NR3C1: variants seen among roughly 807,000 people sequenced by gnomAD.
NR3C1 encodes nuclear receptor subfamily 3 group C member 1.
Under a neutral mutation model 74.0 loss-of-function variants are expected in NR3C1, and 14 were observed. The ratio of observed to expected loss-of-function variants is 0.19; its 90% confidence interval spans 0.12 to 0.30. NR3C1 has a LOEUF of 0.30. Ranked by LOEUF, NR3C1 falls within the 10% of genes least tolerant of loss-of-function variation. The pLI is 1.00. For synonymous variants in NR3C1, 308 were observed against 332.5 expected, an observed-to-expected ratio of 0.93 and a Z score of 0.80; for missense variants, 695 against 909.8, an observed-to-expected ratio of 0.76 and a Z score of 3.04.
chr5:143,303,246 TG>T (rs1276863884), intron 4 of NR3C1, among the ~76,000 whole-genome samples: 1 of 4,010 alleles, frequency 2.5e-4, no homozygotes, highest in African/African-American at 8.7e-4. Context: ...TGTATGTGGG[TG>T]GGGGGGCGGG....
At chr5:143,411,951 G>A (rs1841306473) in intron 1 of NR3C1, among the ~76,000 whole-genome samples, 1 of 152,052 alleles carries the variant, frequency 6.6e-6, no homozygotes, top group African/African-American at 2.4e-5. Context: ...CAGGGGAGCT[G>A]GGGAGCTATG....
rs1018050444 is a variant in NR3C1, at chr5:143,281,255, T to C, written c.*634A>G. On this transcript the variant is annotated 3_prime_UTR_variant, in exon 9 of 9. Transcript: ENST00000394464. ...GATTGATTAATGTTTAGAGTTTATTTGGGAAAGCTACGAACTAGCTGCCCA... is the reference window on the plus strand; with the variant it reads ...GATTGATTAATGTTTAGAGTTTATTCGGGAAAGCTACGAACTAGCTGCCCA... The C allele has an allele frequency of 5.2e-5, 8 of 152,636 alleles. No individual in the cohort carries two copies. Among genetic ancestry groups the C allele is most frequent in the African/African-American group, 1.7e-4 (7 of 41,390 alleles). 9.5% of individuals were successfully genotyped at this position (152,636 alleles called of 1,614,324 possible). A position where few individuals can be genotyped will look rare whatever the true frequency, so the allele number is the denominator to read the frequency against.
intron 7 of NR3C1, among the ~76,000 whole-genome samples, chr5:143,285,972 A>T (rs1393399185): frequency 7.3e-6 from 1 of 137,334 alleles, no homozygotes; most frequent in African/African-American, 3.0e-5. Flanking sequence ...AGACTGATTA[A>T]AAAAAAAAAA....
At chr5:143,307,604 T>C (rs772703732) in intron 4 of NR3C1, among the ~76,000 whole-genome samples, 1 of 152,190 alleles carries the variant, frequency 6.6e-6, no homozygotes, top group Non-Finnish European at 1.5e-5. Flanking sequence ...TACGACAGAA[T>C]TTTATTTGGG....
chr5:143,412,142 G>A (rs1257698375), intron 1 of NR3C1, among the ~76,000 whole-genome samples: 1 of 152,008 alleles, frequency 6.6e-6, no homozygotes, highest in Non-Finnish European at 1.5e-5. Context: ...AAGGAGTCAG[G>A]GAGGGTTGTA....
At chr5:143,294,341 G>A in intron 7 of NR3C1, 1 of 911,336 alleles carries the variant, frequency 1.1e-6, no homozygotes, top group Non-Finnish European at 1.3e-6. Flanking sequence ...ACATTGATAT[G>A]TAATTTTTAC....
intron 4 of NR3C1, among the ~76,000 whole-genome samples, chr5:143,309,600 A>G (rs757627194): frequency 8.5e-5 from 13 of 152,140 alleles, no homozygotes; most frequent in South Asian, 2.1e-4. Flanking sequence ...TTGAAAACCA[A>G]AACAAAACCC....
chr5:143,338,964 T>C (rs770085131), intron 2 of NR3C1, among the ~76,000 whole-genome samples: 4 of 152,212 alleles, frequency 2.6e-5, no homozygotes, highest in Non-Finnish European at 5.9e-5. Flanking sequence ...TTTTCTATGT[T>C]TAGATACATA....
At chr5:143,349,035 G>A (rs181543426) in intron 2 of NR3C1, among the ~76,000 whole-genome samples, 14 of 152,194 alleles carry the variant, frequency 9.2e-5, no homozygotes, top group African/African-American at 3.1e-4. Context: ...AGTGGAGGGA[G>A]GATCAGAGAG....
intron 1 of NR3C1, among the ~76,000 whole-genome samples, chr5:143,423,341 T>C (rs1282710183): frequency 6.6e-6 from 1 of 152,162 alleles, no homozygotes; most frequent in Non-Finnish European, 1.5e-5. Flanking sequence ...GACATACGAA[T>C]GGCCAAAAAT....
intron 2 of NR3C1, among the ~76,000 whole-genome samples, chr5:143,391,720 T>C (rs1405965770): frequency 6.6e-6 from 1 of 152,114 alleles, no homozygotes; most frequent in Non-Finnish European, 1.5e-5. Context: ...ATTGTGAAGA[T>C]ACTACGTTGG....
Position 143,433,456 on chromosome 5 carries a change from A to ATATATATATATAATTTATTTATTTAAAT in NR3C1, c.-14+1075_-14+1076insATTTAAATAAATAAATTATATATATATA, listed in dbSNP as rs1561822096. ...TATATAATTTATTTATTTAAATTAT[A>ATATATATATATAATTTATTTATTTAAAT]TATATATATATATATTTAATTTCAT... On this transcript the variant is annotated intron_variant, in intron 1 of 8. Coordinates refer to the NR3C1 transcript ENST00000343796. Among the ~76,000 whole-genome samples, 101 of 46,722 alleles carry ATATATATATATAATTTATTTATTTAAAT rather than the reference A, an allele frequency of 2.2e-3. 4 individuals are homozygous for ATATATATATATAATTTATTTATTTAAAT. The highest frequency in any genetic ancestry group is 0.02 in the South Asian group (30 of 1,498). The allele number at this position is 46,722 out of a possible 152,430, so 30.7% of individuals were successfully genotyped here. A position where few individuals can be genotyped will look rare whatever the true frequency, so the allele number is the denominator to read the frequency against.
intron 2 of NR3C1, among the ~76,000 whole-genome samples, chr5:143,368,386 A>G (rs1297975577): frequency 6.6e-6 from 1 of 152,212 alleles, no homozygotes; most frequent in Non-Finnish European, 1.5e-5. Context: ...TGGACTTCAT[A>G]AAAATTAAAA....
chr5:143,348,710 T>C (rs980350926), intron 2 of NR3C1, among the ~76,000 whole-genome samples: 2 of 152,204 alleles, frequency 1.3e-5, no homozygotes, highest in Non-Finnish European at 2.9e-5. Context: ...AGAAAGTACA[T>C]GTATCATAAG....
chr5:143,398,451 CT>C (rs1336260034), intron 2 of NR3C1, among the ~76,000 whole-genome samples: 2 of 146,664 alleles, frequency 1.4e-5, no homozygotes, highest in Non-Finnish European at 3.0e-5. Flanking sequence ...AGAAAAGCTT[CT>C]TAAGTACAGA....
intron 2 of NR3C1, among the ~76,000 whole-genome samples, chr5:143,385,269 G>T (rs891451106): frequency 6.6e-6 from 1 of 152,186 alleles, no homozygotes; most frequent in Non-Finnish European, 1.5e-5. Flanking sequence ...AGGAAGGGCT[G>T]CCATGAAGGT....
intron 2 of NR3C1, among the ~76,000 whole-genome samples, chr5:143,351,125 A>G (rs1297456346): frequency 6.6e-6 from 1 of 152,216 alleles, no homozygotes; most frequent in Non-Finnish European, 1.5e-5. Context: ...AATGACTCAT[A>G]TAACTGCCTT....
intron 2 of NR3C1, among the ~76,000 whole-genome samples, chr5:143,333,665 G>C (rs973963080): frequency 9.2e-5 from 14 of 152,126 alleles, no homozygotes; most frequent in Non-Finnish European, 1.6e-4. Context: ...CTACTCGAGA[G>C]GCTAAGGCAG....
intron 2 of NR3C1, among the ~76,000 whole-genome samples, chr5:143,398,327 T>C (rs189689712): frequency 6.7e-6 from 1 of 150,370 alleles, no homozygotes; most frequent in Non-Finnish European, 1.5e-5. Flanking sequence ...GTAGTTCACA[T>C]TAAGACATGT....
Sources: gnomAD v4.1 joint callset for allele counts (sites outside exome capture counted in the v4.1 genomes callset) on GRCh38, gnomAD v4.1.1 for gene constraint, MANE v1.5 for transcripts, NCBI Gene and HGNC (gene_info 2026-07-23, HGNC 2026-07-21) for gene names.